Variants in MAST4 observed in about 807,000 individuals in gnomAD.
MAST4 encodes the protein microtubule-associated serine/threonine-protein kinase 4.
A neutral mutation model predicts 162.7 loss-of-function variants in MAST4; 89 were observed. The observed-to-expected ratio is 0.55, with a 90% CI of 0.46 to 0.65. The LOEUF is 0.65. Ranked by LOEUF, MAST4 falls within the 30% of genes least tolerant of loss-of-function variation. The pLI is 0.00. For missense variants in MAST4, 3,153 were observed against 3,374.0 expected, an observed-to-expected ratio of 0.93 and a Z score of 1.62; for synonymous variants, 1,479 against 1,361.1, an observed-to-expected ratio of 1.09 and a Z score of -1.91.
intron 1 of MAST4, among the ~76,000 whole-genome samples, chr5:66,605,557 T>C (rs56188409): frequency 0.085 from 12,969 of 152,206 alleles, 665 homozygotes; most frequent in East Asian, 0.25. Context: ...AAATACTACA[T>C]TGGTAAATTT....
chr5:66,611,287 G>A (rs559181967), intron 1 of MAST4, among the ~76,000 whole-genome samples: 2 of 152,296 alleles, frequency 1.3e-5, no homozygotes, highest in South Asian at 2.1e-4. Flanking sequence ...TTCCAGCGGC[G>A]ACCTTACACT....
rs1279850181 is a variant in MAST4, at chr5:66,747,092, C to T, written c.364-12617C>T. On this transcript the variant is annotated intron_variant, in intron 1 of 28. Coordinates refer to ENST00000403625, the MANE Select transcript of MAST4 (RefSeq NM_001164664.2). ...ATTGCTGGTGGTGGATGTGTGCATG[C>T]GCATGGTGTGTGTGTGTGTGTGTGT... is the stretch of plus-strand genomic sequence containing the variant. Among the ~76,000 whole-genome samples, 48 of 135,918 alleles carry T rather than the reference C, an allele frequency of 3.5e-4. 1 individual carries two copies. Among genetic ancestry groups the T allele is most frequent in the Non-Finnish European group, 3.1e-5 (2 of 63,982 alleles). 89.2% of individuals were successfully genotyped at this position (135,918 alleles called of 152,430 possible).
At chr5:66,658,273 T>C (rs1361510949) in intron 1 of MAST4, among the ~76,000 whole-genome samples, 1 of 152,262 alleles carries the variant, frequency 6.6e-6, no homozygotes. Context: ...ATACCTTTGA[T>C]TCTTCAGCTA....
At chr5:66,880,437 C>CA (rs946837779) in intron 3 of MAST4, among the ~76,000 whole-genome samples, 5 of 151,994 alleles carry the variant, frequency 3.3e-5, no homozygotes, top group African/African-American at 1.2e-4. Flanking sequence ...TTAACCATTC[C>CA]AAAAAAAGTG....
Position 67,134,568 on chromosome 5 carries a change from C to T in MAST4, c.2272C>T (p.Gln758Ter). The change falls in exon 18 of 29, where the codon CAG becomes TAG. Residue 758 changes from glutamine to a stop codon, truncating the protein, a stop_gained. Coordinates refer to ENST00000403625, the MANE Select transcript of MAST4 (RefSeq NM_001164664.2). LOFTEE classifies it high-confidence loss of function. ...EYIAPEVILR[Q>*]GYGKPVDWWA... ...CATTGCACCAGAAGTGATTCTGAGG[C>T]AGGGTTATGGAAAGCCGGTGGACTG... 1 of 1,613,536 alleles carries T rather than the reference C, an allele frequency of 6.2e-7. No individual in the cohort carries two copies. The highest frequency in any genetic ancestry group is 1.1e-5 in the South Asian group (1 of 91,034).
chr5:66,773,691 G>A (rs2149642996), intron 2 of MAST4, among the ~76,000 whole-genome samples: 1 of 152,254 alleles, frequency 6.6e-6, no homozygotes, highest in South Asian at 2.1e-4. Context: ...AGCAGCTTTT[G>A]GTGAGCTTGC....
At chr5:66,770,820 T>C (rs1442379876) in intron 2 of MAST4, among the ~76,000 whole-genome samples, 1 of 152,226 alleles carries the variant, frequency 6.6e-6, no homozygotes, top group Non-Finnish European at 1.5e-5. Flanking sequence ...ACCTGATAGT[T>C]TGAAAAACTT....
chr5:67,131,189 A>T (rs1168131608), intron 15 of MAST4, among the ~76,000 whole-genome samples: 8 of 152,098 alleles, frequency 5.3e-5, no homozygotes, highest in African/African-American at 1.9e-4. Flanking sequence ...ACAAAAACGT[A>T]GCTTGCCTTA....
intron 4 of MAST4, among the ~76,000 whole-genome samples, chr5:66,942,230 A>G (rs899484457): frequency 8.5e-5 from 13 of 152,136 alleles, no homozygotes; most frequent in Middle Eastern, 3.2e-3. Context: ...AGGTATGTCT[A>G]TTCTGAAAAA....
At chr5:66,883,901 T>C (rs1213397053) in intron 3 of MAST4, among the ~76,000 whole-genome samples, 1 of 152,098 alleles carries the variant, frequency 6.6e-6, no homozygotes, top group Non-Finnish European at 1.5e-5. Context: ...TTGCTTTTAG[T>C]CTTTTTTTTG....
In MAST4 at chr5:67,164,004, A is replaced by G. The variant is rs1773549934; in HGVS notation, c.4825A>G (p.Lys1609Glu). 1.9e-6 allele frequency: 3 copies of G among 1,600,938 alleles called. No homozygotes were observed. The highest frequency in any genetic ancestry group is 1.7e-6 in the Non-Finnish European group (2 of 1,173,880). The stretch of plus-strand genomic sequence containing the variant: ...CAGCCTGCTGAAGGATGCTCTTCAC[A>G]AGCAGGCCAGCGTGCGCGCCAGCGA... ...LGSLLKDALH[K>E]QASVRASEGA... is the part of the protein sequence containing the mutation. Residue 1609 changes from lysine to glutamate, a missense_variant, in exon 29 of 29, where the codon AAG (lysine) becomes GAG (glutamate). Physicochemically the swap from Lys to Glu is moderately conservative, Grantham distance 56. This residue lies in a region of MAST4 where 1,644 missense variants were observed against 1,495.0 expected (regional missense o/e 1.10). Coordinates refer to ENST00000403625, the MANE Select transcript of MAST4 (RefSeq NM_001164664.2). The surrounding 1 kb of genome is among the most constrained non-coding windows in gnomAD (Gnocchi z 5.3).
chr5:66,637,120 T>C (rs184486109), intron 1 of MAST4, among the ~76,000 whole-genome samples: 242 of 152,252 alleles, frequency 1.6e-3, no homozygotes, highest in Non-Finnish European at 2.5e-3. Context: ...ATCTAGTTTT[T>C]CCCCCCTCAC....
chr5:66,933,136 A>C (rs576077590), intron 4 of MAST4, among the ~76,000 whole-genome samples: 1 of 152,264 alleles, frequency 6.6e-6, no homozygotes, highest in Non-Finnish European at 1.5e-5. Flanking sequence ...TCTTCCATAG[A>C]TTCTGTTCAT....
chr5:66,709,325 A>AT (rs1420913308), intron 1 of MAST4, among the ~76,000 whole-genome samples: 5 of 151,882 alleles, frequency 3.3e-5, no homozygotes, highest in African/African-American at 7.3e-5. Context: ...ATCAAAATGA[A>AT]TTTTTTTTGA....
chr5:66,615,365 G>A (rs924589976), intron 1 of MAST4, among the ~76,000 whole-genome samples: 6 of 152,282 alleles, frequency 3.9e-5, no homozygotes, highest in East Asian at 1.9e-4. Context: ...TGCCATGCAA[G>A]TACAGATATG....
intron 5 of MAST4, among the ~76,000 whole-genome samples, chr5:67,062,097 A>G (rs2150599561): frequency 6.6e-6 from 1 of 152,268 alleles, no homozygotes; most frequent in African/African-American, 2.4e-5. Flanking sequence ...CAGTGAAAGA[A>G]TTCTCTTTAT....
At chr5:66,834,310 C>T (rs538161755) in intron 3 of MAST4, among the ~76,000 whole-genome samples, 27 of 152,220 alleles carry the variant, frequency 1.8e-4, no homozygotes, top group African/African-American at 3.9e-4. Context: ...TTATAGAACC[C>T]GGAGACGCGA....
chr5:66,697,841 A>T (rs775630980), intron 1 of MAST4, among the ~76,000 whole-genome samples: 1 of 152,318 alleles, frequency 6.6e-6, no homozygotes, highest in East Asian at 1.9e-4. Context: ...AATCACAAGG[A>T]TTTATCATAG....
intron 3 of MAST4, among the ~76,000 whole-genome samples, chr5:66,832,256 G>A (rs1475299310): frequency 6.6e-6 from 1 of 151,986 alleles, no homozygotes; most frequent in Non-Finnish European, 1.5e-5. Flanking sequence ...ACTCTCACGT[G>A]CAGCTAGAAT....
Sources: allele counts gnomAD v4.1 joint callset (sites outside exome capture counted in the v4.1 genomes callset), GRCh38; gene constraint gnomAD v4.1.1; regional missense constraint gnomAD v4.1.1; non-coding constraint Gnocchi (gnomAD v3.1); transcripts MANE v1.5; gene names NCBI Gene and HGNC (gene_info 2026-07-23, HGNC 2026-07-21).